KIAA1549L: variants seen among roughly 807,000 people sequenced by gnomAD.
KIAA1549L encodes UPF0606 protein KIAA1549L.
KIAA1549L carries 88 observed loss-of-function variants against 160.7 expected under a neutral mutation model. That is an observed-to-expected ratio of 0.55 (90% confidence interval 0.46 to 0.65). KIAA1549L has a LOEUF of 0.65. Among genes scored for constraint, KIAA1549L ranks in the 30% least tolerant of loss-of-function variants. The pLI is 0.00. For synonymous variants in KIAA1549L, 950 were observed against 976.7 expected, an observed-to-expected ratio of 0.97 and a Z score of 0.51; for missense variants, 2,258 against 2,437.5, an observed-to-expected ratio of 0.93 and a Z score of 1.55.
intron 1 of KIAA1549L, among the ~76,000 whole-genome samples, chr11:33,480,264 C>G (rs1001443807): frequency 2.0e-5 from 3 of 152,280 alleles, no homozygotes; most frequent in African/African-American, 7.2e-5. Context: ...AGGCAACCGC[C>G]AATCTCCTTT....
chr11:33,528,047 C>T (rs780461024), intron 1 of KIAA1549L, among the ~76,000 whole-genome samples: 3 of 152,156 alleles, frequency 2.0e-5, no homozygotes, highest in Non-Finnish European at 4.4e-5. Flanking sequence ...TGCTTGCTGC[C>T]ACTTAAGATG....
chr11:33,466,775 A>T (rs1421264718), intron 1 of KIAA1549L, among the ~76,000 whole-genome samples: 1 of 152,204 alleles, frequency 6.6e-6, no homozygotes, highest in Admixed American at 6.5e-5. Flanking sequence ...ACACTATGGA[A>T]TACTATGCAG....
chr11:33,467,149 T>G (rs1852079993), intron 1 of KIAA1549L, among the ~76,000 whole-genome samples: 1 of 152,170 alleles, frequency 6.6e-6, no homozygotes, highest in African/African-American at 2.4e-5. Flanking sequence ...TTTTCTTATT[T>G]TCTTTTCATA....
intron 1 of KIAA1549L, among the ~76,000 whole-genome samples, chr11:33,385,951 C>T (rs1423040127): frequency 6.6e-6 from 1 of 152,114 alleles, no homozygotes; most frequent in Non-Finnish European, 1.5e-5. Flanking sequence ...TATGACCCTC[C>T]TAAACTCATT....
At chr11:33,646,380 G>A (rs1219894823) in intron 17 of KIAA1549L, among the ~76,000 whole-genome samples, 1 of 152,132 alleles carries the variant, frequency 6.6e-6, no homozygotes, top group Non-Finnish European at 1.5e-5. Context: ...ATATCAAAAG[G>A]CATCTCAGAG....
At chr11:33,443,447 C>A (rs1423007248) in intron 1 of KIAA1549L, among the ~76,000 whole-genome samples, 1 of 152,130 alleles carries the variant, frequency 6.6e-6, no homozygotes, top group African/African-American at 2.4e-5. Flanking sequence ...TGGCACAGTG[C>A]CCACCAAGGG....
intron 1 of KIAA1549L, among the ~76,000 whole-genome samples, chr11:33,475,141 G>C (rs749287840): frequency 1.3e-5 from 2 of 152,170 alleles, no homozygotes; most frequent in Non-Finnish European, 2.9e-5. Flanking sequence ...GGCCAGAGCT[G>C]TATATGCCCC....
At chr11:33,521,561 TTGAA>T (rs1411646058) in intron 1 of KIAA1549L, among the ~76,000 whole-genome samples, 2 of 152,194 alleles carry the variant, frequency 1.3e-5, no homozygotes, top group African/African-American at 4.8e-5. Flanking sequence ...AGCAGGCTTA[TTGAA>T]TGAGTGTGGA....
intron 19 of KIAA1549L, among the ~76,000 whole-genome samples, chr11:33,659,877 C>T (rs915886984): frequency 7.9e-5 from 12 of 152,174 alleles, no homozygotes; most frequent in South Asian, 2.1e-4. Flanking sequence ...ATTCTGACTG[C>T]GAGGGTGAGT....
chr11:33,391,050 G>A (rs1850263703), intron 1 of KIAA1549L, among the ~76,000 whole-genome samples: 1 of 152,186 alleles, frequency 6.6e-6, no homozygotes, highest in South Asian at 2.1e-4. Flanking sequence ...ATGTAAAAGG[G>A]AATAAGATTT....
intron 1 of KIAA1549L, among the ~76,000 whole-genome samples, chr11:33,533,611 G>T (rs1242635511): frequency 1.3e-5 from 2 of 152,044 alleles, no homozygotes; most frequent in Non-Finnish European, 2.9e-5. Context: ...GCCTTACTGG[G>T]GTGACTTGTC....
At chr11:33,576,314 G>A (rs59796316) in intron 10 of KIAA1549L, among the ~76,000 whole-genome samples, 2,167 of 152,150 alleles carry the variant, frequency 0.014, 50 homozygotes, top group African/African-American at 0.047. Context: ...TGTCTTGCTC[G>A]GCCGGCATAT....
intron 8 of KIAA1549L, among the ~76,000 whole-genome samples, chr11:33,566,943 T>G (rs1855068696): frequency 6.6e-6 from 1 of 152,274 alleles, no homozygotes; most frequent in African/African-American, 2.4e-5. Flanking sequence ...ATTTTTAATT[T>G]TAAACATGAC....
At position 33,645,836 on chromosome 11, in the gene KIAA1549L, C is replaced by G; in HGVS notation, c.5560C>G (p.Leu1854Val). Residue 1854 changes from leucine (L) to valine (V), a missense_variant, in exon 17 of 21, where the codon CTG becomes GTG. Leu to Val is a conservative substitution (Grantham distance 32). Coordinates refer to ENST00000658780, the MANE Select transcript of KIAA1549L (RefSeq NM_012194.3). ...CGAGGTCAGGCAGCAGATGCACATG[C>G]TGCTGGAGGAGGCCTTCAGCCTGGC... ...IDEVRQQMHM[L>V]LEEAFSLASA... The G allele has an allele frequency of 6.2e-7, 1 of 1,613,944 alleles. No homozygotes were observed. Among genetic ancestry groups the G allele is most frequent in the Non-Finnish European group, 8.5e-7 (1 of 1,179,902 alleles).
chr11:33,544,047 C>T lies in KIAA1549L; in HGVS notation c.2484C>T (p.Ser828=), dbSNP rs2235944. ...ATTACTCACCCACAACTCGACATTC[C>T]GTGTCTCATCCTCAGCTACAGTTGC... is the stretch of plus-strand genomic sequence containing the variant. The part of the protein sequence containing the change: ...VAYYSPTTRH[S]VSHPQLQLPN... The change falls in exon 2 of 21, where the codon TCC becomes TCT. Residue 828 remains serine (S), a synonymous_variant. Transcript: ENST00000658780. 0.073 allele frequency: 117,937 copies of T among 1,613,888 alleles called. 6,150 individuals carry two copies. Among genetic ancestry groups the T allele is most frequent in the East Asian group, 0.3 (13,501 of 44,866 alleles).
At chr11:33,615,352 A>C (rs1377938089) in intron 15 of KIAA1549L, among the ~76,000 whole-genome samples, 3 of 152,236 alleles carry the variant, frequency 2.0e-5, no homozygotes, top group Non-Finnish European at 4.4e-5. Context: ...TTAACCAGCA[A>C]GTAAAACTCA....
chr11:33,477,392 CCTT>C (rs1852309489), intron 1 of KIAA1549L, among the ~76,000 whole-genome samples: 1 of 152,144 alleles, frequency 6.6e-6, no homozygotes, highest in Non-Finnish European at 1.5e-5. Flanking sequence ...TTCTCTCTGA[CCTT>C]CTGCCCAATG....
At position 33,533,043 on chromosome 11, in the gene KIAA1549L, G is replaced by T. The variant is rs192919471; in HGVS notation, c.239-8759G>T. On this transcript the variant is annotated intron_variant, in intron 1 of 20. Coordinates refer to ENST00000658780, the MANE Select transcript of KIAA1549L (RefSeq NM_012194.3). Reference sequence around the variant, plus strand: ...AGTACTCCTTAAGTAGCAGACTCTGGGGTCTGTGATAAAAGCATCATGACC... The same window carrying T: ...AGTACTCCTTAAGTAGCAGACTCTGTGGTCTGTGATAAAAGCATCATGACC... Among the ~76,000 whole-genome samples, 153 of 152,290 alleles carry T rather than the reference G, an allele frequency of 1.0e-3. 1 individual carries two copies. The highest frequency in any genetic ancestry group is 3.5e-3 in the African/African-American group (146 of 41,562).
chr11:33,500,513 CTT>C (rs953256621), intron 1 of KIAA1549L, among the ~76,000 whole-genome samples: 1 of 152,150 alleles, frequency 6.6e-6, no homozygotes, highest in Non-Finnish European at 1.5e-5. Flanking sequence ...GCTGTGGAGT[CTT>C]TCTTAATCTG....
Sources: gnomAD v4.1 joint callset for allele counts (sites outside exome capture counted in the v4.1 genomes callset) on GRCh38, gnomAD v4.1.1 for gene constraint, MANE v1.5 for transcripts, NCBI Gene and HGNC (gene_info 2026-07-23, HGNC 2026-07-21) for gene names.